Variants in SPARCL1 observed in about 807,000 individuals in gnomAD.
SPARCL1 encodes the protein SPARC-like protein 1.
In SPARCL1, 52 loss-of-function variants were observed where a neutral mutation model predicts 67.1. The ratio of observed to expected loss-of-function variants is 0.78; its 90% CI spans 0.62 to 0.98. The LOEUF (loss-of-function observed/expected upper bound fraction) is 0.98. SPARCL1 is among the 50% of genes least tolerant of loss of function. The pLI is 0.00. For missense variants in SPARCL1, 717 were observed against 782.4 expected (o/e 0.92, Z 1.00); for synonymous variants, 226 against 267.8 (o/e 0.84, Z 1.52).
intron 1 of SPARCL1, chr4:87,504,811 A>G (rs925870310): frequency 2.0e-5 from 3 of 152,206 alleles, no homozygotes; most frequent in African/African-American, 4.8e-5. Flanking sequence ...AAGGAGTAAG[A>G]TGGTACGTAC....
At chr4:87,505,647 T>C (rs976643162) in intron 1 of SPARCL1, among the ~76,000 whole-genome samples, 1 of 151,960 alleles carries the variant, frequency 6.6e-6, no homozygotes, top group African/African-American at 2.4e-5. Flanking sequence ...CTCCAGTTCC[T>C]GGGCTCAGGT....
intron 1 of SPARCL1, among the ~76,000 whole-genome samples, chr4:87,525,514 T>A (rs28521138): frequency 0.18 from 26,873 of 152,124 alleles, 2,535 homozygotes; most frequent in Non-Finnish European, 0.22. Flanking sequence ...GAAAAATGGA[T>A]TTATTGCAGG....
intron 7 of SPARCL1, among the ~76,000 whole-genome samples, chr4:87,486,881 A>G (rs1724081962): frequency 1.9e-5 from 1 of 53,264 alleles, no homozygotes; most frequent in Non-Finnish European, 4.1e-5. Context: ...TAGTATTGCA[A>G]TTCCTGCTTT....
intron 10 of SPARCL1, among the ~76,000 whole-genome samples, chr4:87,478,931 G>A (rs1723691829): frequency 6.6e-6 from 1 of 152,176 alleles, no homozygotes; most frequent in South Asian, 2.1e-4. Context: ...GAAGCCATGG[G>A]TGAGTTTTGG....
chr4:87,512,105 T>C (rs1337422523), intron 1 of SPARCL1, among the ~76,000 whole-genome samples: 2 of 151,664 alleles, frequency 1.3e-5, no homozygotes, highest in Non-Finnish European at 2.9e-5. Flanking sequence ...GCTGGGATTA[T>C]AGGCATGCGC....
At chr4:87,474,919 T>A (rs1384392634) in intron 10 of SPARCL1, among the ~76,000 whole-genome samples, 1 of 151,616 alleles carries the variant, frequency 6.6e-6, no homozygotes, top group African/African-American at 2.4e-5. Context: ...ATTTTTTGTA[T>A]TTTTAGTAGA....
At chr4:87,501,434 A>G (rs1201124692) in intron 1 of SPARCL1, among the ~76,000 whole-genome samples, 1 of 152,192 alleles carries the variant, frequency 6.6e-6, no homozygotes, top group East Asian at 1.9e-4. Context: ...GGTATTGCAT[A>G]TTAGAAAAAT....
chr4:87,495,153 G>A, intron 2 of SPARCL1, 26 bp from the exon 3 acceptor site: 1 of 1,593,692 alleles, frequency 6.3e-7, no homozygotes, highest in South Asian at 1.2e-5. Flanking sequence ...ACTGGTTTTT[G>A]TTATTCATGT....
At chr4:87,502,970 A>G (rs774130421) in intron 1 of SPARCL1, among the ~76,000 whole-genome samples, 1 of 152,226 alleles carries the variant, frequency 6.6e-6, no homozygotes, top group Non-Finnish European at 1.5e-5. Flanking sequence ...AGAAGCAAAT[A>G]TAAACCTGGT....
chr4:87,518,584 T>A (rs1272009971), intron 1 of SPARCL1, among the ~76,000 whole-genome samples: 1 of 152,244 alleles, frequency 6.6e-6, no homozygotes, highest in Non-Finnish European at 1.5e-5. Flanking sequence ...AAAAAGCTAA[T>A]GAGTACAAGA....
At chr4:87,494,656 C>A in intron 3 of SPARCL1, 58 bp from the exon 4 acceptor site, 1 of 1,326,894 alleles carries the variant, frequency 7.5e-7, no homozygotes, top group East Asian at 2.3e-5. Context: ...ATATTTATGC[C>A]TAAGGTAACA....
chr4:87,501,161 C>T lies in SPARCL1; in HGVS notation c.-11-1576G>A, dbSNP rs114947021. On this transcript the variant is annotated intron_variant, in intron 1 of 10. Transcript: ENST00000282470. ...AAGGAAATCCCTCGTGTCCATTTCG[C>T]CCCTTGGAAGTGGCACTCCCAGAGC... Among the ~76,000 whole-genome samples, 728 of 152,278 alleles carry T rather than the reference C, an allele frequency of 4.8e-3. 6 individuals are homozygous for T. The highest frequency in any genetic ancestry group is 0.017 in the African/African-American group (695 of 41,548).
intron 7 of SPARCL1, 98 bp from the exon 8 acceptor site, chr4:87,482,658 G>GA: frequency 7.3e-7 from 1 of 1,369,724 alleles, no homozygotes; most frequent in Non-Finnish European, 1.0e-6. Flanking sequence ...GCAACTGACA[G>GA]AGCTTTCTCA....
In SPARCL1 at chr4:87,494,204, T is replaced by C. The variant is rs1473056973; in HGVS notation, c.596A>G (p.Asn199Ser). 1.2e-6 allele frequency: 2 copies of C among 1,614,124 alleles called. No individual in the cohort carries two copies. The highest frequency in any genetic ancestry group is 1.1e-5 in the South Asian group (1 of 91,078). The change falls in exon 4 of 11, where the codon AAT becomes AGT. Residue 199 changes from asparagine (N) to serine (S), a missense_variant. By Grantham distance (46) the Asn-to-Ser change is conservative (BLOSUM62 1). Transcript: ENST00000282470. ...CTCTTTTTCTTCTTCCTCTTCTCCA[T>C]TGGAAATATTTGGATCCTGCTCTTG... is the stretch of plus-strand genomic sequence containing the variant. ...GNQEQDPNIS[N>S]GEEEEEKEPG...
chr4:87,523,828 C>T (rs9307038), intron 1 of SPARCL1, among the ~76,000 whole-genome samples: 26,875 of 152,126 alleles, frequency 0.18, 2,536 homozygotes, highest in Non-Finnish European at 0.22. Flanking sequence ...GCTGTTTGGC[C>T]AAACACTTTG....
chr4:87,527,587 T>C (rs1050896944), intron 1 of SPARCL1, among the ~76,000 whole-genome samples: 3 of 152,224 alleles, frequency 2.0e-5, no homozygotes, highest in African/African-American at 7.2e-5. Flanking sequence ...TTTACTTAGT[T>C]GATATGTGAA....
chr4:87,479,655 A>T, intron 9 of SPARCL1, 77 bp from the exon 10 acceptor site: 1 of 1,423,026 alleles, frequency 7.0e-7, no homozygotes, highest in Non-Finnish European at 9.8e-7. Context: ...CACCAAGGAC[A>T]TTTTTCTCCC....
chr4:87,510,995 A>G (rs1725328432), intron 1 of SPARCL1, among the ~76,000 whole-genome samples: 1 of 152,200 alleles, frequency 6.6e-6, no homozygotes, highest in African/African-American at 2.4e-5. Flanking sequence ...AGGTTCCTGC[A>G]GTCATTCGCT....
At position 87,499,564 on chromosome 4, in the gene SPARCL1, C is replaced by T; in HGVS notation, c.11G>A (p.Gly4Glu). The change falls in exon 2 of 11, where the codon GGG (glycine) becomes GAG (glutamate). Residue 4 changes from glycine (G) to glutamate (E), a missense_variant. Coordinates refer to ENST00000282470, the MANE Select transcript of SPARCL1 (RefSeq NM_004684.6). ...TCCCAAGAGACATAGGAAAAAAAGC[C>T]CAGTCTTCATGCTTTCCAGATCTGT... MKTGLFFLCLLGTA... is the reference protein window; with the variant it reads MKTELFFLCLLGTA... 6.3e-7 allele frequency: 1 copy of T among 1,589,246 alleles called. No homozygotes were observed.
Sources: gnomAD v4.1 joint callset for allele counts (sites outside exome capture counted in the v4.1 genomes callset) on GRCh38, gnomAD v4.1.1 for gene constraint, MANE v1.5 for transcripts, NCBI Gene and HGNC (gene_info 2026-07-23, HGNC 2026-07-21) for gene names.